TRIM67: variants seen among roughly 807,000 people sequenced by gnomAD.
TRIM67 encodes tripartite motif containing 67.
TRIM67 carries 39 observed loss-of-function variants against 71.0 expected under a neutral mutation model. The ratio of observed to expected loss-of-function variants is 0.55; its 90% CI spans 0.43 to 0.72. The LOEUF is 0.72. Among genes scored for constraint, TRIM67 ranks in the 30% least tolerant of loss-of-function variants. TRIM67 has a pLI of 0.00. For synonymous variants in TRIM67, 481 were observed against 473.9 expected, an observed-to-expected ratio of 1.01 and a Z score of -0.19; for missense variants, 973 against 1,079.2, an observed-to-expected ratio of 0.90 and a Z score of 1.38.
intron 5 of TRIM67, among the ~76,000 whole-genome samples, chr1:231,202,004 T>C (rs918426642): frequency 9.0e-4 from 2 of 2,228 alleles, no homozygotes; most frequent in Non-Finnish European, 1.9e-3. Context: ...AGATTTGAGG[T>C]GAGGAGGAGG....
intron 1 of TRIM67, among the ~76,000 whole-genome samples, chr1:231,185,598 G>T (rs373244155): frequency 6.6e-6 from 1 of 151,834 alleles, no homozygotes; most frequent in Non-Finnish European, 1.5e-5. Flanking sequence ...GCCCAGACGC[G>T]TCCTGCCCTT....
At chr1:231,173,468 A>T (rs1682664395) in intron 1 of TRIM67, among the ~76,000 whole-genome samples, 1 of 152,216 alleles carries the variant, frequency 6.6e-6, no homozygotes, top group African/African-American at 2.4e-5. Flanking sequence ...TCAAGCTAAG[A>T]CTTGAAGACT....
intron 1 of TRIM67, among the ~76,000 whole-genome samples, chr1:231,196,892 C>T (rs1163909302): frequency 6.6e-6 from 1 of 152,234 alleles, no homozygotes; most frequent in Non-Finnish European, 1.5e-5. Flanking sequence ...CCACAGCCCC[C>T]TTCCTGTCCA....
At chr1:231,191,273 T>A (rs1683221524) in intron 1 of TRIM67, among the ~76,000 whole-genome samples, 1 of 152,146 alleles carries the variant, frequency 6.6e-6, no homozygotes, top group Non-Finnish European at 1.5e-5. Context: ...CTGTGTTGCT[T>A]AGGCTAGTCT....
intron 1 of TRIM67, among the ~76,000 whole-genome samples, chr1:231,179,803 A>G (rs1484095133): frequency 6.6e-6 from 1 of 152,218 alleles, no homozygotes; most frequent in Non-Finnish European, 1.5e-5. Flanking sequence ...AGCTAGCAGA[A>G]AAGTGGGGAA....
intron 1 of TRIM67, among the ~76,000 whole-genome samples, chr1:231,165,507 C>A (rs146529433): frequency 2.1e-4 from 32 of 152,274 alleles, no homozygotes; most frequent in African/African-American, 7.5e-4. Flanking sequence ...AGTGAATTTG[C>A]AGAAAGCTAC....
chr1:231,178,037 T>C (rs1682801769), intron 1 of TRIM67, among the ~76,000 whole-genome samples: 15 of 152,070 alleles, frequency 9.9e-5, no homozygotes, highest in Admixed American at 9.2e-4. Flanking sequence ...GTATGGAAAA[T>C]GAGAAGAGGA....
Position 231,211,020 on chromosome 1 carries a change from CAA to C in TRIM67, c.2123+1781_2123+1782del, listed in dbSNP as rs113952856. Among the ~76,000 whole-genome samples the C allele has an allele frequency of 1.5e-3, 201 of 133,856 alleles. 1 individual carries two copies. The highest frequency in any genetic ancestry group is 4.5e-3 in the African/African-American group (160 of 35,262). 87.8% of individuals were successfully genotyped at this position (133,856 alleles called of 152,430 possible). On this transcript the variant is annotated intron_variant, in intron 8 of 9. Coordinates refer to ENST00000366653, the MANE Select transcript of TRIM67 (RefSeq NM_001004342.5). ...AATATAGTGAGACCCTCCTCTCTAC[CAA>C]AAAAAAAAAATATATATATATATAT...
chr1:231,194,151 C>T (rs999386524), intron 1 of TRIM67, among the ~76,000 whole-genome samples: 38 of 152,204 alleles, frequency 2.5e-4, no homozygotes, highest in African/African-American at 8.4e-4. Context: ...TGCTGCAGCC[C>T]GAGCTGACCA....
In TRIM67 at chr1:231,201,406, G is replaced by A; in HGVS notation, c.1423G>A (p.Val475Ile). 1 of 1,613,514 alleles carries A rather than the reference G, an allele frequency of 6.2e-7. No individual in the cohort carries two copies. Among genetic ancestry groups the A allele is most frequent in the Non-Finnish European group, 8.5e-7 (1 of 1,179,712 alleles). ...KRVQVSQEQW[V>I]KGALEPKVSA... ...CGTCCAGGTGTCTCAGGAGCAGTGG[G>A]TCAAAGGCGCCCTGGAGCCGAAAGT... Residue 475 changes from valine to isoleucine, a missense_variant, in exon 5 of 10, where the codon GTC becomes ATC. This residue lies in a region of TRIM67 where 795 missense variants were observed against 831.3 expected (regional missense o/e 0.96). Transcript: ENST00000366653.
At position 231,219,465 on chromosome 1, in the gene TRIM67, T is replaced by A. The variant is rs1684090042; in HGVS notation, c.*4025T>A. On this transcript the variant is annotated 3_prime_UTR_variant, in exon 10 of 10. Transcript: ENST00000366653. ...TATGTGACAAAGCTGCCAGCCTTTA[T>A]CTTGATACCCAAGCCCAGGATTTTC... 1 of 1,053,800 alleles carries A rather than the reference T, an allele frequency of 9.5e-7. No individual in the cohort carries two copies. The highest frequency in any genetic ancestry group is 3.1e-5 in the South Asian group (1 of 31,800). The allele number at this position is 1,053,800 out of a possible 1,614,324, so 65.3% of individuals were successfully genotyped here.
At chr1:231,213,125 T>A (rs1484848497) in intron 8 of TRIM67, among the ~76,000 whole-genome samples, 1 of 152,134 alleles carries the variant, frequency 6.6e-6, no homozygotes, top group African/African-American at 2.4e-5. Context: ...CTCACTTGCC[T>A]AAAACAGAAA....
intron 1 of TRIM67, among the ~76,000 whole-genome samples, chr1:231,193,503 G>GCTCGCTCT (rs1553325672): frequency 1.2e-5 from 1 of 81,946 alleles, no homozygotes; most frequent in Non-Finnish European, 2.3e-5. Context: ...TCTCTCTCAA[G>GCTCGCTCT]CTCTCTCTCT....
At chr1:231,201,615 C>T (rs778268898) in intron 5 of TRIM67, 98 bp downstream of exon 5, 618 of 1,410,328 alleles carry the variant, frequency 4.4e-4, no homozygotes, top group Non-Finnish European at 5.4e-4. Context: ...CTGTGATGCA[C>T]GGAGTGTGGC....
chr1:231,164,074 T>TTGGCCTCTC lies in TRIM67; in HGVS notation c.1044+62_1044+70dup. ...GAAGAGGGTACGAGGAGAAAGGCTTTTGGCCTCTCCCTTGGAGAGCTGACA... is the reference window on the plus strand; with the variant it reads ...GAAGAGGGTACGAGGAGAAAGGCTTTTGGCCTCTCTGGCCTCTCCCTTGGAGAGCTGACA... On this transcript the variant is annotated intron_variant, in intron 1 of 9. Transcript: ENST00000366653. 5 of 1,400,780 alleles carry TTGGCCTCTC rather than the reference T, an allele frequency of 3.6e-6. 1 individual carries two copies. The South Asian group carries it at 8.3e-5, about 23-fold the overall frequency. The allele number at this position is 1,400,780 out of a possible 1,614,324, so 86.8% of individuals were successfully genotyped here. A position where few individuals can be genotyped will look rare whatever the true frequency, so the allele number is the denominator to read the frequency against.
intron 6 of TRIM67, among the ~76,000 whole-genome samples, chr1:231,204,443 G>A (rs1043078691): frequency 6.6e-6 from 1 of 152,204 alleles, no homozygotes; most frequent in Non-Finnish European, 1.5e-5. Context: ...TGGGCATATA[G>A]AGGATGCTGG....
At chr1:231,185,057 G>A (rs1389835866) in intron 1 of TRIM67, 3 of 1,532,968 alleles carry the variant, frequency 2.0e-6, no homozygotes. Flanking sequence ...GTGGAGCTGA[G>A]CTGGTGCCTG....
chr1:231,200,835 A>T (rs1683500424), intron 4 of TRIM67, among the ~76,000 whole-genome samples: 1 of 152,224 alleles, frequency 6.6e-6, no homozygotes, highest in Admixed American at 6.5e-5. Context: ...TCTGATAAGC[A>T]GGACTTTCCA....
chr1:231,200,934 C>T (rs1180020766), intron 4 of TRIM67, among the ~76,000 whole-genome samples: 1 of 152,202 alleles, frequency 6.6e-6, no homozygotes, highest in Admixed American at 6.5e-5. Flanking sequence ...GGGCAGGGGG[C>T]AGATGTGGGC....
Sources: gnomAD v4.1 joint callset for allele counts (sites outside exome capture counted in the v4.1 genomes callset) on GRCh38, gnomAD v4.1.1 for gene constraint, gnomAD v4.1.1 regional missense constraint, MANE v1.5 for transcripts, NCBI Gene and HGNC (gene_info 2026-07-23, HGNC 2026-07-21) for gene names.